The following PIK3R6 variants were observed in gnomAD, a reference collection of about 807,000 sequenced individuals.
PIK3R6 encodes the protein phosphoinositide 3-kinase regulatory subunit 6.
In PIK3R6, 91 loss-of-function variants were observed where a neutral mutation model predicts 84.9. That is an observed-to-expected ratio of 1.07 (90% CI 0.90 to 1.28). PIK3R6 has a LOEUF of 1.28. Among genes scored for constraint, PIK3R6 ranks in the 50% most tolerant of loss-of-function variants. The pLI, the probability that PIK3R6 is intolerant of heterozygous loss-of-function variation, is 0.00. For synonymous variants in PIK3R6, 416 were observed against 411.4 expected (o/e 1.01, Z -0.13); for missense variants, 996 against 985.1 (o/e 1.01, Z -0.15).
rs756791416 is a variant in PIK3R6 at position 8,828,733 on chromosome 17, T to A, written c.1147A>T (p.Met383Leu). 3 of 1,608,934 alleles carry A rather than the reference T, an allele frequency of 1.9e-6. No homozygotes were observed. Among genetic ancestry groups the A allele is most frequent in the Non-Finnish European group, 2.5e-6 (3 of 1,177,616 alleles). ...KKRAWPLDFL[M>L]PGSWDGPPGL... ...GGGGGCCCGTCCCAGCTGCCAGGCA[T>A]CAAGAAGTCCAGGGGCCATGCACGC... is the stretch of plus-strand genomic sequence containing the variant. Residue 383 changes from methionine to leucine, a missense_variant, in exon 11 of 20, where the codon ATG becomes TTG. Met to Leu is a conservative substitution (Grantham distance 15). Transcript: ENST00000619866.
intron 18 of PIK3R6, among the ~76,000 whole-genome samples, chr17:8,818,362 G>C (rs2087611412): frequency 6.6e-6 from 1 of 152,140 alleles, no homozygotes; most frequent in South Asian, 2.1e-4. Context: ...GTATCAGTAA[G>C]TACTGGCCAG....
At chr17:8,849,467 C>G (rs1331197373) in intron 2 of PIK3R6, among the ~76,000 whole-genome samples, 1 of 152,200 alleles carries the variant, frequency 6.6e-6, no homozygotes, top group Non-Finnish European at 1.5e-5. Flanking sequence ...GCTTTTATCC[C>G]TCCTCAATCC....
intron 17 of PIK3R6, among the ~76,000 whole-genome samples, chr17:8,820,642 T>C (rs2087704485): frequency 1.3e-5 from 2 of 152,264 alleles, no homozygotes; most frequent in Admixed American, 6.5e-5. Flanking sequence ...TGGAGTTTTA[T>C]ATGTCATCCA....
At position 8,803,900 on chromosome 17, in the gene PIK3R6, T is replaced by C. The variant is rs2087118966; in HGVS notation, c.2108+141A>G. The C allele has an allele frequency of 2.8e-6, 2 of 716,372 alleles. No homozygotes were observed. The allele number at this position is 716,372 out of a possible 1,614,324, so 44.4% of individuals were successfully genotyped here. The stretch of plus-strand genomic sequence containing the variant: ...ATAGGGCAGTGGCCTCTGTCCATCC[T>C]CACCAAGGTTACCTGCCTGGCCACA... On this transcript the variant is annotated intron_variant, in intron 19 of 19. Transcript: ENST00000619866. The surrounding 1 kb of genome is among the most constrained non-coding windows in gnomAD (Gnocchi z 5.0).
In PIK3R6 at chr17:8,827,227, C is replaced by T. The variant is rs748686623; in HGVS notation, c.1460G>A (p.Trp487Ter). 6.2e-7 allele frequency: 1 copy of T among 1,604,102 alleles called. No homozygotes were observed. Among genetic ancestry groups the T allele is most frequent in the Non-Finnish European group, 8.5e-7 (1 of 1,175,642 alleles). The change falls in exon 13 of 20, where the codon TGG (tryptophan) becomes TAG (stop). Residue 487 changes from tryptophan (W) to a stop codon, truncating the protein, a stop_gained. Transcript: ENST00000619866. LOFTEE classifies it high-confidence loss of function. Reference protein sequence around the residue: ...LATFLGRVDPWYQSNVNTLCP... With the variant: ...LATFLGRVDP ...CAGCGTGTTGACGTTGCTCTGGTAC[C>T]ACGGGTCTACGCGGCCCAGGAACGT...
In PIK3R6 at chr17:8,835,502, T is replaced by C. The variant is rs2088426463; in HGVS notation, c.462-46A>G. 6 of 1,479,448 alleles carry C rather than the reference T, an allele frequency of 4.1e-6. No homozygotes were observed. The Admixed American group carries it at 1.0e-4, about 25-fold the overall frequency. 91.6% of individuals were successfully genotyped at this position (1,479,448 alleles called of 1,614,324 possible). ...GAGAGGTGGGATTGATAGTAACTAA[T>C]GGGAGAGGGGCCACCGGATGGGCAC... On this transcript the variant is annotated intron_variant, in intron 7 of 19. Transcript: ENST00000619866.
intron 18 of PIK3R6, among the ~76,000 whole-genome samples, chr17:8,814,913 C>T (rs1010968462): frequency 1.4e-5 from 2 of 148,096 alleles, no homozygotes; most frequent in Admixed American, 6.8e-5. Flanking sequence ...TTTATGGCTT[C>T]CAAAGAGAGA....
intron 18 of PIK3R6, among the ~76,000 whole-genome samples, chr17:8,814,823 A>C (rs1038097346): frequency 6.6e-6 from 1 of 152,194 alleles, no homozygotes; most frequent in Non-Finnish European, 1.5e-5. Flanking sequence ...TTGTCCATCA[A>C]AGGTCCAAAA....
chr17:8,810,298 C>G lies in PIK3R6; in HGVS notation c.1996-6145G>C, dbSNP rs561317498. ...GAGAACAGCATGGGAAAGACCTGTC[C>G]CCATGATTCAATTACCTCCCACCAG... is the stretch of plus-strand genomic sequence containing the variant. On this transcript the variant is annotated intron_variant, in intron 18 of 19. Transcript: ENST00000619866. Among the ~76,000 whole-genome samples the G allele has an allele frequency of 6.1e-5, 9 of 147,914 alleles. 3 individuals are homozygous for G. In the South Asian group the frequency reaches 2.1e-3, roughly 34 times the overall value.
chr17:8,815,309 A>T (rs925393022), intron 18 of PIK3R6, among the ~76,000 whole-genome samples: 1 of 152,164 alleles, frequency 6.6e-6, no homozygotes, highest in African/African-American at 2.4e-5. Context: ...AGATAGAGAC[A>T]ATCCTGGCCA....
At chr17:8,852,693 G>A (rs1344384822) in intron 1 of PIK3R6, among the ~76,000 whole-genome samples, 1 of 149,984 alleles carries the variant, frequency 6.7e-6, no homozygotes, top group African/African-American at 2.5e-5. Context: ...GAGTCAAGAT[G>A]TCGCTACTGC....
intron 1 of PIK3R6, among the ~76,000 whole-genome samples, chr17:8,850,266 T>C (rs576791079): frequency 1.9e-4 from 29 of 149,110 alleles, no homozygotes; most frequent in Non-Finnish European, 3.8e-4. Flanking sequence ...GATGGTGCCA[T>C]TGCACTCCAG....
Position 8,819,102 on chromosome 17 carries a change from A to G in PIK3R6, c.1976T>C (p.Leu659Ser). 1 of 1,605,624 alleles carries G rather than the reference A, an allele frequency of 6.2e-7. No individual in the cohort carries two copies. The highest frequency in any genetic ancestry group is 1.1e-5 in the South Asian group (1 of 89,198). Residue 659 changes from leucine (L) to serine (S), a missense_variant, in exon 18 of 20, where the codon TTG (leucine) becomes TCG (serine). Leu to Ser is a moderately radical substitution (Grantham distance 145). Coordinates refer to ENST00000619866, the MANE Select transcript of PIK3R6 (RefSeq NM_001010855.4). ...ACTTACAGAGAAGGACTTTCCCGCC[A>G]AGTTGGAGGACTTGACAACCTCTGT... Reference protein sequence around the residue: ...NVTEVVKSSNLAGKSFSTVTN... With the variant: ...NVTEVVKSSNSAGKSFSTVTN...
intron 2 of PIK3R6, among the ~76,000 whole-genome samples, chr17:8,843,729 C>A (rs2088748425): frequency 6.6e-6 from 1 of 152,170 alleles, no homozygotes; most frequent in East Asian, 1.9e-4. Flanking sequence ...GAAAATCTGA[C>A]AATCTGCTGA....
chr17:8,805,143 A>C (rs1009133177), intron 18 of PIK3R6, among the ~76,000 whole-genome samples: 4 of 152,148 alleles, frequency 2.6e-5, no homozygotes, highest in Non-Finnish European at 5.9e-5. Context: ...ATCCACTGGG[A>C]GGAGGGTAAG....
intron 18 of PIK3R6, among the ~76,000 whole-genome samples, chr17:8,816,801 C>CACTA (rs1334367014): frequency 6.6e-6 from 1 of 152,154 alleles, no homozygotes; most frequent in Non-Finnish European, 1.5e-5. Context: ...GGCACTCAAA[C>CACTA]ACTACAATCA....
Position 8,836,834 on chromosome 17 carries a change from G to C in PIK3R6, c.348C>G (p.Ala116=), listed in dbSNP as rs2088483738. Residue 116 remains alanine (A), a synonymous_variant, in exon 6 of 20, where the codon GCC becomes GCG. Transcript: ENST00000619866. The part of the protein sequence containing the change: ...LTLPTPYCTV[A]LDCAIRLKTE... ...TTTTCAGCCTTATCGCGCAGTCCAA[G>C]GCGACTGTGCAGTAGGGGGTGGGCA... 3.1e-6 allele frequency: 5 copies of C among 1,597,870 alleles called. No individual in the cohort carries two copies. The South Asian group carries it at 4.5e-5, about 14-fold the overall frequency.
chr17:8,805,805 C>G (rs1279655068), intron 18 of PIK3R6, among the ~76,000 whole-genome samples: 3 of 152,058 alleles, frequency 2.0e-5, no homozygotes, highest in Non-Finnish European at 2.9e-5. Flanking sequence ...GTAGTCCCAG[C>G]TACCTGAGAG....
chr17:8,823,274 G>A (rs1310261504), intron 14 of PIK3R6, 113 bp downstream of exon 14: 1 of 853,962 alleles, frequency 1.2e-6, no homozygotes, highest in Non-Finnish European at 1.9e-6. Flanking sequence ...TAATAACCAA[G>A]AGCGTCTGGG....
Sources: allele counts gnomAD v4.1 joint callset (sites outside exome capture counted in the v4.1 genomes callset), GRCh38; gene constraint gnomAD v4.1.1; non-coding constraint Gnocchi (gnomAD v3.1); transcripts MANE v1.5; gene names NCBI Gene and HGNC (gene_info 2026-07-23, HGNC 2026-07-21).